The following MUSK variants were observed in gnomAD, a reference collection of about 807,000 sequenced individuals.
The protein encoded by MUSK is muscle, skeletal receptor tyrosine-protein kinase.
MUSK carries 55 observed loss-of-function variants against 88.7 expected under a neutral mutation model. The observed-to-expected ratio is 0.62, with a 90% CI of 0.50 to 0.78. The LOEUF is 0.78. MUSK is among the 30% of genes least tolerant of loss of function. The pLI, the probability that MUSK is intolerant of heterozygous loss-of-function variation, is 0.00. For missense variants in MUSK, 1,015 were observed against 1,074.3 expected (o/e 0.94, Z 0.77); for synonymous variants, 387 against 391.9 (o/e 0.99, Z 0.15).
intron 7 of MUSK, among the ~76,000 whole-genome samples, chr9:110,759,557 AT>A (rs2131918623): frequency 6.6e-6 from 1 of 152,288 alleles, no homozygotes; most frequent in South Asian, 2.1e-4. Context: ...TGGAGAAAAT[AT>A]TTACAAACCA....
At chr9:110,776,803 T>C (rs771183610) in intron 11 of MUSK, 148 bp downstream of exon 11, 1 of 663,064 alleles carries the variant, frequency 1.5e-6, no homozygotes, top group Non-Finnish European at 2.5e-6. Context: ...GGGTATAACA[T>C]GAGGGAAAAT....
chr9:110,800,067 G>A (rs2078067571), intron 14 of MUSK, among the ~76,000 whole-genome samples: 1 of 152,116 alleles, frequency 6.6e-6, no homozygotes, highest in Non-Finnish European at 1.5e-5. Context: ...GCGCTCTGCT[G>A]GAAGTCCTCA....
At chr9:110,686,236 A>G (rs942842057) in intron 2 of MUSK, among the ~76,000 whole-genome samples, 1 of 152,000 alleles carries the variant, frequency 6.6e-6, no homozygotes, top group Non-Finnish European at 1.5e-5. Flanking sequence ...CTCTGCCTCC[A>G]TTGTCATACC....
intron 6 of MUSK, among the ~76,000 whole-genome samples, chr9:110,740,838 C>T (rs976098182): frequency 3.9e-5 from 6 of 152,206 alleles, no homozygotes; most frequent in South Asian, 2.1e-4. Flanking sequence ...TATTCAAAGG[C>T]GTCTCGACAT....
intron 9 of MUSK, among the ~76,000 whole-genome samples, chr9:110,769,089 G>A (rs990778286): frequency 3.3e-5 from 5 of 152,070 alleles, no homozygotes; most frequent in African/African-American, 1.2e-4. Context: ...GAATTGAGAG[G>A]ATTAAAGGAA....
intron 5 of MUSK, among the ~76,000 whole-genome samples, chr9:110,716,704 G>A (rs2131789486): frequency 1.3e-5 from 2 of 149,840 alleles, no homozygotes; most frequent in Non-Finnish European, 2.9e-5. Flanking sequence ...ACTCTCAATA[G>A]GCTTTAATTT....
chr9:110,733,363 A>G (rs1419510423), intron 5 of MUSK, among the ~76,000 whole-genome samples: 1 of 152,050 alleles, frequency 6.6e-6, no homozygotes, highest in Non-Finnish European at 1.5e-5. Context: ...AATCTAGCCA[A>G]TCTCTGGAGT....
intron 6 of MUSK, among the ~76,000 whole-genome samples, chr9:110,739,231 T>A (rs971098565): frequency 1.3e-5 from 2 of 152,166 alleles, no homozygotes; most frequent in African/African-American, 4.8e-5. Context: ...CTGTTATGAT[T>A]ATGGCTTATT....
At chr9:110,726,386 A>G (rs1307443348) in intron 5 of MUSK, among the ~76,000 whole-genome samples, 2 of 152,042 alleles carry the variant, frequency 1.3e-5, no homozygotes, top group Admixed American at 6.6e-5. Context: ...AAACTGAAAA[A>G]TTTCAAAGGA....
At chr9:110,748,725 A>G (rs981452664) in intron 7 of MUSK, among the ~76,000 whole-genome samples, 4 of 152,114 alleles carry the variant, frequency 2.6e-5, no homozygotes, top group African/African-American at 9.7e-5. Context: ...TTACAGTGCC[A>G]CCTCTTTGAT....
Position 110,697,507 on chromosome 9 carries a change from G to A in MUSK, c.628+41G>A, listed in dbSNP as rs370795070. 1.3e-5 allele frequency: 21 copies of A among 1,590,202 alleles called. No individual in the cohort carries two copies. The African/African-American group carries it at 1.7e-4, about 13-fold the overall frequency. On this transcript the variant is annotated intron_variant, in intron 5 of 14. Coordinates refer to ENST00000374448, the MANE Select transcript of MUSK (RefSeq NM_005592.4). ...TCTTCCCCTGACTGTGTGACCAGGG[G>A]CCTCACTGTCTACTGTGAAGGCTGC...
chr9:110,729,879 A>T (rs756263419), intron 5 of MUSK, among the ~76,000 whole-genome samples: 1 of 152,002 alleles, frequency 6.6e-6, no homozygotes, highest in Admixed American at 6.6e-5. Context: ...AGGACTTAAC[A>T]TGGATGCCCT....
At chr9:110,689,826 ATAAATATG>A (rs2076286957) in intron 3 of MUSK, among the ~76,000 whole-genome samples, 1 of 98,598 alleles carries the variant, frequency 1.0e-5, no homozygotes, top group Non-Finnish European at 1.8e-5. Context: ...ATTTAAATAT[ATAAATATG>A]TAACTATATA....
chr9:110,717,957 G>A (rs933129657), intron 5 of MUSK, among the ~76,000 whole-genome samples: 1 of 152,046 alleles, frequency 6.6e-6, no homozygotes, highest in Non-Finnish European at 1.5e-5. Context: ...AACAATAAAC[G>A]ATTATCACTT....
At chr9:110,681,067 AATATTATATATAT>A (rs2076116166) in intron 1 of MUSK, among the ~76,000 whole-genome samples, 1 of 13,078 alleles carries the variant, frequency 7.6e-5, no homozygotes, top group Non-Finnish European at 1.4e-4. Flanking sequence ...TTATATATAT[AATATTATATATAT>A]TATATAATAT....
intron 8 of MUSK, among the ~76,000 whole-genome samples, chr9:110,765,329 C>A (rs748289838): frequency 6.6e-6 from 1 of 152,134 alleles, no homozygotes; most frequent in South Asian, 2.1e-4. Flanking sequence ...CGAGATATTA[C>A]GTCAACATGT....
At chr9:110,782,733 G>C (rs189942647) in intron 11 of MUSK, among the ~76,000 whole-genome samples, 2 of 152,098 alleles carry the variant, frequency 1.3e-5, no homozygotes, top group African/African-American at 4.8e-5. Flanking sequence ...ATCTTAGATC[G>C]AGAAAACTTG....
At chr9:110,721,411 TGTACACAAATCA>T (rs1435293969) in intron 5 of MUSK, among the ~76,000 whole-genome samples, 1 of 152,118 alleles carries the variant, frequency 6.6e-6, no homozygotes, top group Non-Finnish European at 1.5e-5. Context: ...ACAAAATTAA[TGTACACAAATCA>T]GTAGTTCTCC....
rs73544154 is a variant in MUSK, at chr9:110,801,442, T to C, written c.*454T>C. 2,664 of 152,950 alleles carry C rather than the reference T, an allele frequency of 0.017. 75 individuals carry two copies. Among genetic ancestry groups the C allele is most frequent in the African/African-American group, 0.061 (2,557 of 41,608 alleles). The allele number at this position is 152,950 out of a possible 1,614,324, so 9.5% of individuals were successfully genotyped here. On this transcript the variant is annotated 3_prime_UTR_variant, in exon 15 of 15. Transcript: ENST00000374448. Reference sequence around the variant, plus strand: ...GACACTTAGGTGAAGTACAGAAAACTAAAAAGAAGGAAAAGCCACTCATTC... The same window carrying C: ...GACACTTAGGTGAAGTACAGAAAACCAAAAAGAAGGAAAAGCCACTCATTC...
Sources: allele counts gnomAD v4.1 joint callset (sites outside exome capture counted in the v4.1 genomes callset), GRCh38; gene constraint gnomAD v4.1.1; transcripts MANE v1.5; gene names NCBI Gene and HGNC (gene_info 2026-07-23, HGNC 2026-07-21).